TSC22D4: variants seen among roughly 807,000 people sequenced by gnomAD.
TSC22D4 encodes the protein TSC22 domain family member 4, also known as TSC22 domain family protein 4.
A neutral mutation model predicts 24.9 loss-of-function variants in TSC22D4; 5 were observed. The observed-to-expected ratio is 0.20, with a 90% CI of 0.10 to 0.42. The LOEUF (loss-of-function observed/expected upper bound fraction) is 0.42. TSC22D4 is among the 10% of genes least tolerant of loss of function. TSC22D4 has a pLI of 1.00. For synonymous variants in TSC22D4, 245 were observed against 243.2 expected (o/e 1.01, Z -0.07); for missense variants, 469 against 547.9 (o/e 0.86, Z 1.44).
At chr7:100,468,158 A>AC (rs1222838865) in intron 3 of TSC22D4, 23 of 263,722 alleles carry the variant, frequency 8.7e-5, no homozygotes, top group East Asian at 2.7e-4. Context: ...GGACACGGGG[A>AC]CCCCCCCTCC....
At position 100,477,958 on chromosome 7, in the gene TSC22D4, A is replaced by T; in HGVS notation, c.81T>A (p.Ala27=). Residue 27 remains alanine (A), a synonymous_variant, in exon 2 of 5, where the codon GCT becomes GCA. Transcript: ENST00000300181. The surrounding 1 kb of genome is among the most constrained non-coding windows in gnomAD (Gnocchi z 7.8). ...GGGGCTGTGGGGTAGGGGGATCCGA[A>T]GCCCCTGGGCTCCCAGGGCCCTCAT... The part of the protein sequence containing the change: ...TDYEGPGSPG[A]SDPPTPQPPT... 1 of 1,564,272 alleles carries T rather than the reference A, an allele frequency of 6.4e-7. No individual in the cohort carries two copies. Among genetic ancestry groups the T allele is most frequent in the Non-Finnish European group, 8.7e-7 (1 of 1,155,294 alleles).
At chr7:100,473,768 A>AC (rs1799439591) in intron 3 of TSC22D4, 1 of 143,594 alleles carries the variant, frequency 7.0e-6, no homozygotes, top group African/African-American at 2.6e-5. Flanking sequence ...ATATATATAT[A>AC]TTTTTTTTTT....
At position 100,477,888 on chromosome 7, in the gene TSC22D4, C is replaced by G; in HGVS notation, c.151G>C (p.Asp51His). 1 of 1,500,718 alleles carries G rather than the reference C, an allele frequency of 6.7e-7. No homozygotes were observed. The highest frequency in any genetic ancestry group is 1.4e-5 in the African/African-American group (1 of 71,380). The allele number at this position is 1,500,718 out of a possible 1,614,324, so 93.0% of individuals were successfully genotyped here. ...CGGGGGGTGCCCTTGCCCCCCGGATCGGGGCTGGGCTCCCCATTGGGCAGG... is the reference window on the plus strand; with the variant it reads ...CGGGGGGTGCCCTTGCCCCCCGGATGGGGGCTGGGCTCCCCATTGGGCAGG... ...PRLPNGEPSPDPGGKGTPRNG... is the reference protein window; with the variant it reads ...PRLPNGEPSPHPGGKGTPRNG... The change falls in exon 2 of 5, where the codon GAT becomes CAT. Residue 51 changes from aspartate (D) to histidine (H), a missense_variant. Asp to His is a moderately conservative substitution (Grantham distance 81, BLOSUM62 -1). Coordinates refer to ENST00000300181, the MANE Select transcript of TSC22D4 (RefSeq NM_030935.5). The surrounding 1 kb of genome is among the most constrained non-coding windows in gnomAD (Gnocchi z 7.8).
intron 3 of TSC22D4, among the ~76,000 whole-genome samples, chr7:100,469,279 C>T (rs1198701680): frequency 6.7e-6 from 1 of 149,072 alleles, no homozygotes; most frequent in Non-Finnish European, 1.5e-5. Flanking sequence ...GGTCTGGGGT[C>T]TCAGAGGAAG....
intron 3 of TSC22D4, among the ~76,000 whole-genome samples, chr7:100,469,844 G>A (rs1282737164): frequency 6.6e-6 from 1 of 152,220 alleles, no homozygotes; most frequent in Non-Finnish European, 1.5e-5. Context: ...CCTGCAGCCA[G>A]GAAGGGAGCA....
In TSC22D4 at chr7:100,474,017, A is replaced by G; in HGVS notation, c.929+257T>C. On this transcript the variant is annotated intron_variant, in intron 3 of 4. Transcript: ENST00000300181. The surrounding 1 kb of genome is among the most constrained non-coding windows in gnomAD (Gnocchi z 4.3). ...AGAGCTCTGGAATCTGACAACAATG[A>G]CTCCCTTCAGACTCTAAAAAAGTCT... 2.3e-6 allele frequency: 1 copy of G among 437,794 alleles called. No homozygotes were observed. The highest frequency in any genetic ancestry group is 4.2e-6 in the Non-Finnish European group (1 of 237,826). 27.1% of individuals were successfully genotyped at this position (437,794 alleles called of 1,614,324 possible). A position where few individuals can be genotyped will look rare whatever the true frequency, so the allele number is the denominator to read the frequency against.
chr7:100,471,734 C>T (rs1799396925), intron 3 of TSC22D4, among the ~76,000 whole-genome samples: 1 of 151,594 alleles, frequency 6.6e-6, no homozygotes, highest in African/African-American at 2.4e-5. Context: ...AGCAAGACTC[C>T]ATCTAAAAAA....
At chr7:100,469,001 G>A (rs1433102101) in intron 3 of TSC22D4, among the ~76,000 whole-genome samples, 1 of 151,784 alleles carries the variant, frequency 6.6e-6, no homozygotes, top group Non-Finnish European at 1.5e-5. Context: ...TGAGGCGAGT[G>A]GATCACCTGA....
intron 4 of TSC22D4, 48 bp downstream of exon 4, chr7:100,467,504 T>C: frequency 6.3e-7 from 1 of 1,596,782 alleles, no homozygotes; most frequent in Non-Finnish European, 8.6e-7. Context: ...GGCAGAGGGA[T>C]GGCTTAAGGG....
At chr7:100,473,136 G>A (rs761696992) in intron 3 of TSC22D4, among the ~76,000 whole-genome samples, 11 of 152,106 alleles carry the variant, frequency 7.2e-5, no homozygotes, top group Non-Finnish European at 1.6e-4. Flanking sequence ...TCTTAGGAAT[G>A]GTGACACCTG....
chr7:100,474,030 T>C lies in TSC22D4; in HGVS notation c.929+244A>G. On this transcript the variant is annotated intron_variant, in intron 3 of 4. Coordinates refer to ENST00000300181, the MANE Select transcript of TSC22D4 (RefSeq NM_030935.5). The surrounding 1 kb of genome is among the most constrained non-coding windows in gnomAD (Gnocchi z 4.3). ...CTGACAACAATGACTCCCTTCAGAC[T>C]CTAAAAAAGTCTGTGACCTGACAGT... 1 of 481,410 alleles carries C rather than the reference T, an allele frequency of 2.1e-6. No homozygotes were observed. Among genetic ancestry groups the C allele is most frequent in the Admixed American group, 3.3e-5 (1 of 30,444 alleles). 29.8% of individuals were successfully genotyped at this position (481,410 alleles called of 1,614,324 possible). A position where few individuals can be genotyped will look rare whatever the true frequency, so the allele number is the denominator to read the frequency against.
In TSC22D4 at chr7:100,474,343, G is replaced by A. The variant is rs779993250; in HGVS notation, c.860C>T (p.Ala287Val). Residue 287 changes from alanine (A) to valine (V), a missense_variant, in exon 3 of 5, where the codon GCA becomes GTA. Coordinates refer to ENST00000300181, the MANE Select transcript of TSC22D4 (RefSeq NM_030935.5). The surrounding 1 kb of genome is among the most constrained non-coding windows in gnomAD (Gnocchi z 4.3). ...HKSPDPFGAV[A>V]AQKFSLAHSM... ...GTGGGCCAGGCTGAACTTCTGAGCT[G>A]CTACTGCTCCGAAGGGGTCTGGAGA... 5.0e-6 allele frequency: 8 copies of A among 1,614,052 alleles called. No individual in the cohort carries two copies. Among genetic ancestry groups the A allele is most frequent in the Non-Finnish European group, 6.8e-6 (8 of 1,180,036 alleles).
intron 3 of TSC22D4, chr7:100,468,012 GC>G (rs766957483): frequency 2.1e-6 from 1 of 468,812 alleles, no homozygotes; most frequent in South Asian, 1.6e-5. Flanking sequence ...TGCCTGGGGG[GC>G]TCAGAGCCCC....
At chr7:100,475,048 G>A (rs1799467974) in intron 2 of TSC22D4, among the ~76,000 whole-genome samples, 1 of 152,124 alleles carries the variant, frequency 6.6e-6, no homozygotes, top group South Asian at 2.1e-4. Context: ...TGATCCTCCT[G>A]CCTCAGCCTC....
intron 3 of TSC22D4, 31 bp from the exon 4 acceptor site, chr7:100,467,631 G>A (rs760391143): frequency 1.2e-6 from 2 of 1,611,446 alleles, no homozygotes; most frequent in Non-Finnish European, 1.7e-6. Context: ...GAGGGGAGGA[G>A]AGGAGAAGCC....
At position 100,467,810 on chromosome 7, in the gene TSC22D4, T is replaced by G. The variant is rs1475096491; in HGVS notation, c.930-210A>C. On this transcript the variant is annotated intron_variant, in intron 3 of 4. Transcript: ENST00000300181. Reference sequence around the variant, plus strand: ...GGCGGGGGCCCAGATGTCCCTCGGATGGGGGATGCACCCCGGGGAGAGCAA... The same window carrying G: ...GGCGGGGGCCCAGATGTCCCTCGGAGGGGGGATGCACCCCGGGGAGAGCAA... The G allele has an allele frequency of 4.3e-6, 3 of 698,882 alleles. No individual in the cohort carries two copies. The East Asian group carries it at 8.3e-5, about 19-fold the overall frequency. 43.3% of individuals were successfully genotyped at this position (698,882 alleles called of 1,614,324 possible). A position where few individuals can be genotyped will look rare whatever the true frequency, so the allele number is the denominator to read the frequency against.
chr7:100,476,231 T>G (rs1799493357), intron 2 of TSC22D4, among the ~76,000 whole-genome samples: 5 of 40,084 alleles, frequency 1.2e-4, no homozygotes, highest in Middle Eastern at 0.015. Context: ...TCAAGAAGAG[T>G]TGGGGGAGGG....
Position 100,477,367 on chromosome 7 carries a change from GC to G in TSC22D4, c.671del (p.Gly224AlafsTer15). The G allele has an allele frequency of 2.5e-6, 4 of 1,587,226 alleles. No individual in the cohort carries two copies. Among genetic ancestry groups the G allele is most frequent in the South Asian group, 1.1e-5 (1 of 87,758 alleles). The stretch of plus-strand genomic sequence containing the variant: ...ACAGTGGAGGGGTCCTGGCCCCTGA[GC>G]CCCCAGCCTCCGCTTCCACCCTCAG... Reference protein sequence around the residue: ...PSLRVEAEAGGSGARTPPLSR... With the variant: ...PSLRVEAEAGXSGARTPPLSR... On this transcript the variant is annotated frameshift_variant, in exon 2 of 5. Coordinates refer to ENST00000300181, the MANE Select transcript of TSC22D4 (RefSeq NM_030935.5). LOFTEE classifies it high-confidence loss of function. The surrounding 1 kb of genome is among the most constrained non-coding windows in gnomAD (Gnocchi z 7.8).
intron 4 of TSC22D4, 80 bp from the exon 5 acceptor site, chr7:100,467,248 A>C: frequency 7.0e-7 from 1 of 1,432,198 alleles, no homozygotes; most frequent in Non-Finnish European, 9.8e-7. Flanking sequence ...CTGGGGTGGG[A>C]GACAGTCCCC....
Sources: gnomAD v4.1 joint callset for allele counts (sites outside exome capture counted in the v4.1 genomes callset) on GRCh38, gnomAD v4.1.1 for gene constraint, Gnocchi (gnomAD v3.1) non-coding constraint, MANE v1.5 for transcripts, NCBI Gene and HGNC (gene_info 2026-07-23, HGNC 2026-07-21) for gene names.